SMG6: variants seen among roughly 807,000 people sequenced by gnomAD.
The protein encoded by SMG6 is SMG6 nonsense mediated mRNA decay factor.
A neutral mutation model predicts 142.2 loss-of-function variants in SMG6; 66 were observed. That is an observed-to-expected ratio of 0.46 (90% CI 0.38 to 0.57). The LOEUF (loss-of-function observed/expected upper bound fraction) is 0.57, where lower values mean the gene tolerates loss of function less well. Among genes scored for constraint, SMG6 ranks in the 20% least tolerant of loss-of-function variants. SMG6 has a pLI of 0.00. For synonymous variants in SMG6, 779 were observed against 702.4 expected, an observed-to-expected ratio of 1.11 and a Z score of -1.72; for missense variants, 1,793 against 1,832.0, an observed-to-expected ratio of 0.98 and a Z score of 0.39.
chr17:2,117,601 A>G (rs1215703355), intron 13 of SMG6: 1 of 152,228 alleles, frequency 6.6e-6, no homozygotes, highest in African/African-American at 2.4e-5. Flanking sequence ...CAGACAATGT[A>G]TAAGACCTGT....
chr17:2,246,860 C>T lies in SMG6; in HGVS notation c.2662-2141G>A, dbSNP rs147340481. On this transcript the variant is annotated intron_variant, in intron 8 of 18. Transcript: ENST00000263073. ...ACTTGGGAGGCTGAGGCAGGAGAAT[C>T]GCTTGAACCCGGGAGGCAGAGGTTG... 3.2e-3 allele frequency among the ~76,000 whole-genome samples: 493 copies of T among 152,246 alleles called. 1 individual carries two copies. The highest frequency in any genetic ancestry group is 0.011 in the African/African-American group (468 of 41,542).
chr17:2,192,222 C>G (rs1333146710), intron 10 of SMG6, among the ~76,000 whole-genome samples: 1 of 152,218 alleles, frequency 6.6e-6, no homozygotes, highest in East Asian at 1.9e-4. Context: ...TGGTTCAGAA[C>G]CACTGCTTCT....
chr17:2,168,736 TTTTTGTTTTGTGTTGTTTTG>T (rs951909769), intron 13 of SMG6, among the ~76,000 whole-genome samples: 7 of 151,780 alleles, frequency 4.6e-5, no homozygotes, highest in Non-Finnish European at 1.0e-4. Context: ...AAAAAAGTTT[TTTTTGTTTTGTGTTGTTTTG>T]TTTTGTTTTT....
chr17:2,212,569 T>C (rs867779650), intron 10 of SMG6: 30 of 152,198 alleles, frequency 2.0e-4, no homozygotes, highest in African/African-American at 7.2e-4. Flanking sequence ...TAAACAGTAA[T>C]ACCAGGTTCA....
intron 8 of SMG6, among the ~76,000 whole-genome samples, chr17:2,275,169 C>T (rs190112944): frequency 6.6e-6 from 1 of 152,310 alleles, no homozygotes; most frequent in East Asian, 1.9e-4. Context: ...CGCCTGTCAT[C>T]CCAGCACTTT....
intron 13 of SMG6, among the ~76,000 whole-genome samples, chr17:2,160,462 G>A (rs8067714): frequency 5.3e-5 from 8 of 152,118 alleles, no homozygotes; most frequent in East Asian, 1.9e-4. Flanking sequence ...CTGGTGAACC[G>A]CCTGCCTCGG....
chr17:2,242,167 G>A (rs957872077), intron 9 of SMG6, among the ~76,000 whole-genome samples: 3 of 151,902 alleles, frequency 2.0e-5, no homozygotes, highest in Non-Finnish European at 4.4e-5. Context: ...AAAAAGGAGA[G>A]AAAACACTGA....
At chr17:2,168,620 G>T (rs2071411390) in intron 13 of SMG6, among the ~76,000 whole-genome samples, 1 of 152,148 alleles carries the variant, frequency 6.6e-6, no homozygotes, top group African/African-American at 2.4e-5. Context: ...TTTGAAGGGT[G>T]TGGCTCACAC....
intron 13 of SMG6, among the ~76,000 whole-genome samples, chr17:2,154,925 A>G (rs1270470192): frequency 6.6e-6 from 1 of 152,056 alleles, no homozygotes; most frequent in Admixed American, 6.6e-5. Flanking sequence ...GGTCCCAGCT[A>G]CTCAGAAGCT....
intron 14 of SMG6, 199 bp from the exon 15 acceptor site, chr17:2,082,155 C>A (rs2068442919): frequency 1.7e-6 from 1 of 592,308 alleles, no homozygotes; most frequent in Admixed American, 3.0e-5. Flanking sequence ...CCCGGAGCTG[C>A]TCTCTTTTAT....
chr17:2,224,618 T>C (rs2073264097), intron 10 of SMG6, among the ~76,000 whole-genome samples: 1 of 152,048 alleles, frequency 6.6e-6, no homozygotes, highest in African/African-American at 2.4e-5. Context: ...AAACTAAGCC[T>C]GATGTATGTC....
intron 10 of SMG6, among the ~76,000 whole-genome samples, chr17:2,205,012 A>G (rs901951378): frequency 3.9e-5 from 6 of 152,088 alleles, no homozygotes; most frequent in African/African-American, 9.7e-5. Flanking sequence ...GGACTGGTCA[A>G]TTTGTCAATA....
chr17:2,258,059 A>ACG, intron 8 of SMG6, among the ~76,000 whole-genome samples: 1 of 132,800 alleles, frequency 7.5e-6, no homozygotes, highest in African/African-American at 2.7e-5. Context: ...ACACACACAC[A>ACG]CACACACATA....
At chr17:2,277,175 T>TA (rs1227120852) in intron 8 of SMG6, among the ~76,000 whole-genome samples, 17 of 134,216 alleles carry the variant, frequency 1.3e-4, no homozygotes, top group African/African-American at 5.3e-4. Context: ...ATTTTTTATT[T>TA]TTTTTTTTTT....
intron 13 of SMG6, among the ~76,000 whole-genome samples, chr17:2,169,271 C>T (rs2151643684): frequency 6.6e-6 from 1 of 151,254 alleles, no homozygotes; most frequent in African/African-American, 2.4e-5. Flanking sequence ...ATGATAGTGC[C>T]ACTTACTCCA....
intron 10 of SMG6, among the ~76,000 whole-genome samples, chr17:2,190,003 CCTGTT>C (rs1482024252): frequency 6.6e-6 from 1 of 152,170 alleles, no homozygotes; most frequent in East Asian, 1.9e-4. Flanking sequence ...TCACTCCTGT[CCTGTT>C]AAGGCCCTAA....
intron 13 of SMG6, chr17:2,127,780 G>C: frequency 3.6e-6 from 2 of 553,966 alleles, no homozygotes; most frequent in Non-Finnish European, 7.2e-6. Context: ...TGCTCTGAGG[G>C]CTGAAAATTC....
chr17:2,173,715 C>G (rs967272118), intron 12 of SMG6, among the ~76,000 whole-genome samples: 1 of 152,098 alleles, frequency 6.6e-6, no homozygotes, highest in African/African-American at 2.4e-5. Flanking sequence ...ACTGCAAAGT[C>G]TGGCTCTCCT....
chr17:2,070,735 C>T (rs192283463), intron 15 of SMG6, among the ~76,000 whole-genome samples: 239 of 152,294 alleles, frequency 1.6e-3, no homozygotes, highest in Non-Finnish European at 2.5e-3. Context: ...CTCAGGGGCC[C>T]GCTCTGCTGA....
Sources: allele counts gnomAD v4.1 joint callset (sites outside exome capture counted in the v4.1 genomes callset), GRCh38; gene constraint gnomAD v4.1.1; transcripts MANE v1.5; gene names NCBI Gene and HGNC (gene_info 2026-07-23, HGNC 2026-07-21).